The following PPM1L variants were observed in gnomAD, a reference collection of about 807,000 sequenced individuals.
PPM1L encodes the protein protein phosphatase 1L.
Under a neutral mutation model 31.4 loss-of-function variants are expected in PPM1L, and 13 were observed. The observed-to-expected ratio is 0.41, with a 90% CI of 0.27 to 0.66. The LOEUF is 0.66. Among genes scored for constraint, PPM1L ranks in the 30% least tolerant of loss-of-function variants. The probability of loss-of-function intolerance (pLI) is 0.29; values close to 1 mark genes in which losing one functional copy is unlikely to be tolerated. For synonymous variants in PPM1L, 184 were observed against 175.4 expected, an observed-to-expected ratio of 1.05 and a Z score of -0.39; for missense variants, 326 against 453.7, an observed-to-expected ratio of 0.72 and a Z score of 2.56.
At chr3:160,760,159 T>A (rs1323637140) in intron 1 of PPM1L, among the ~76,000 whole-genome samples, 1 of 152,250 alleles carries the variant, frequency 6.6e-6, no homozygotes, top group African/African-American at 2.4e-5. Context: ...AGTGGACTCC[T>A]GATTACTAAT....
At chr3:161,008,588 T>G (rs115650232) in intron 2 of PPM1L, among the ~76,000 whole-genome samples, 2,819 of 152,274 alleles carry the variant, frequency 0.019, 88 homozygotes, top group African/African-American at 0.065. Context: ...TCTCTTCACC[T>G]TACTATAGCA....
At chr3:160,912,203 T>A (rs1714000498) in intron 1 of PPM1L, among the ~76,000 whole-genome samples, 1 of 152,150 alleles carries the variant, frequency 6.6e-6, no homozygotes, top group African/African-American at 2.4e-5. Flanking sequence ...CTGGGCCCAG[T>A]GAAAACCTTT....
At chr3:160,782,260 G>A (rs1449392327) in intron 1 of PPM1L, among the ~76,000 whole-genome samples, 5 of 151,840 alleles carry the variant, frequency 3.3e-5, no homozygotes, top group Admixed American at 1.3e-4. Context: ...TTGACCTTTC[G>A]CGTATAGGTT....
At chr3:160,873,404 G>A (rs1042030267) in intron 1 of PPM1L, among the ~76,000 whole-genome samples, 3 of 152,050 alleles carry the variant, frequency 2.0e-5, no homozygotes, top group Non-Finnish European at 4.4e-5. Flanking sequence ...AATTCAAAAC[G>A]GCTGACTTAT....
intron 1 of PPM1L, among the ~76,000 whole-genome samples, chr3:160,955,811 C>T (rs540714519): frequency 5.2e-4 from 79 of 150,928 alleles, no homozygotes; most frequent in African/African-American, 1.9e-3. Context: ...CCACCACGTC[C>T]GGATAATTTT....
intron 3 of PPM1L, among the ~76,000 whole-genome samples, chr3:161,068,503 T>C (rs1719809343): frequency 6.6e-6 from 1 of 152,180 alleles, no homozygotes; most frequent in Non-Finnish European, 1.5e-5. Flanking sequence ...CTCTCTACTG[T>C]CAATCACTGA....
At chr3:160,866,576 C>T (rs1182214141) in intron 1 of PPM1L, among the ~76,000 whole-genome samples, 1 of 152,084 alleles carries the variant, frequency 6.6e-6, no homozygotes, top group East Asian at 1.9e-4. Context: ...ACATAAGCAT[C>T]AAATGTCTTT....
At chr3:160,778,279 A>T (rs1711620130) in intron 1 of PPM1L, among the ~76,000 whole-genome samples, 1 of 152,040 alleles carries the variant, frequency 6.6e-6, no homozygotes, top group Non-Finnish European at 1.5e-5. Flanking sequence ...CCAGATATTA[A>T]TCTCTTATCA....
chr3:160,997,805 G>T (rs187885155), intron 2 of PPM1L, among the ~76,000 whole-genome samples: 1 of 152,068 alleles, frequency 6.6e-6, no homozygotes, highest in African/African-American at 2.4e-5. Context: ...TTTGTTTTTC[G>T]CATTTTATAA....
intron 1 of PPM1L, among the ~76,000 whole-genome samples, chr3:160,868,205 G>C (rs1712161835): frequency 1.3e-5 from 2 of 152,178 alleles, no homozygotes; most frequent in South Asian, 4.1e-4. Context: ...TAAGAGAGCT[G>C]TTTTTCTGTG....
chr3:160,890,913 G>A (rs1576693809), intron 1 of PPM1L, among the ~76,000 whole-genome samples: 1 of 152,102 alleles, frequency 6.6e-6, no homozygotes, highest in African/African-American at 2.4e-5. Context: ...AGGAAAACTG[G>A]CCAGCCATAT....
At chr3:160,991,792 T>C in intron 2 of PPM1L, among the ~76,000 whole-genome samples, 1 of 152,182 alleles carries the variant, frequency 6.6e-6, no homozygotes, top group Non-Finnish European at 1.5e-5. Context: ...TACAAGTGTA[T>C]GCCATTCATC....
At chr3:160,885,674 C>T (rs1218245306) in intron 1 of PPM1L, among the ~76,000 whole-genome samples, 1 of 152,246 alleles carries the variant, frequency 6.6e-6, no homozygotes, top group East Asian at 1.9e-4. Flanking sequence ...AGCATGCTAC[C>T]TAGCCGGGGA....
chr3:160,979,906 C>T (rs1251832315), intron 2 of PPM1L, among the ~76,000 whole-genome samples: 2 of 151,938 alleles, frequency 1.3e-5, no homozygotes, highest in East Asian at 1.9e-4. Context: ...CAAAGGAACT[C>T]AGCAACAAGA....
At chr3:160,995,086 G>T (rs1017951386) in intron 2 of PPM1L, among the ~76,000 whole-genome samples, 4 of 152,138 alleles carry the variant, frequency 2.6e-5, no homozygotes, top group Non-Finnish European at 5.9e-5. Flanking sequence ...AAAAAGCAAA[G>T]GTTGACAATT....
At chr3:161,014,315 A>T (rs1718001912) in intron 2 of PPM1L, among the ~76,000 whole-genome samples, 1 of 152,188 alleles carries the variant, frequency 6.6e-6, no homozygotes, top group Non-Finnish European at 1.5e-5. Context: ...ATTACAGAAG[A>T]TATTCAAATA....
intron 2 of PPM1L, among the ~76,000 whole-genome samples, chr3:160,989,654 G>T (rs199941279): frequency 6.6e-6 from 1 of 151,880 alleles, no homozygotes; most frequent in Non-Finnish European, 1.5e-5. Context: ...GAGCCACCAC[G>T]CCCAGCCTAT....
chr3:160,995,343 CAG>C (rs1264788893), intron 2 of PPM1L, among the ~76,000 whole-genome samples: 1 of 151,940 alleles, frequency 6.6e-6, no homozygotes, highest in Non-Finnish European at 1.5e-5. Context: ...TCTTTTGAGA[CAG>C]AGTCTCACTC....
intron 1 of PPM1L, among the ~76,000 whole-genome samples, chr3:160,946,030 A>T (rs926735542): frequency 6.6e-6 from 1 of 152,128 alleles, no homozygotes; most frequent in Non-Finnish European, 1.5e-5. Flanking sequence ...TGGGGGAATC[A>T]AAAGTTATTT....
Sources: allele counts gnomAD v4.1 joint callset (sites outside exome capture counted in the v4.1 genomes callset), GRCh38; gene constraint gnomAD v4.1.1; transcripts MANE v1.5; gene names NCBI Gene and HGNC (gene_info 2026-07-23, HGNC 2026-07-21).